TRNT1: variants seen among roughly 807,000 people sequenced by gnomAD.
TRNT1 encodes the protein CCA tRNA nucleotidyltransferase 1, mitochondrial.
A neutral mutation model predicts 45.6 loss-of-function variants in TRNT1; 44 were observed. The ratio of observed to expected loss-of-function variants is 0.97; its 90% confidence interval spans 0.76 to 1.24. TRNT1 has a LOEUF of 1.24. Among genes scored for constraint, TRNT1 ranks in the 50% most tolerant of loss-of-function variants. The pLI, the probability that TRNT1 is intolerant of heterozygous loss-of-function variation, is 0.00. For synonymous variants in TRNT1, 201 were observed against 171.4 expected (o/e 1.17, Z -1.35); for missense variants, 633 against 504.4 (o/e 1.25, Z -2.44).
chr3:3,143,456 G>A (rs1370169354), intron 4 of TRNT1, among the ~76,000 whole-genome samples: 1 of 152,176 alleles, frequency 6.6e-6, no homozygotes, highest in Non-Finnish European at 1.5e-5. Context: ...AATTCACAAA[G>A]TTTTAAAGGC....
intron 2 of TRNT1, chr3:3,129,581 CA>C (rs1559213308): frequency 4.4e-6 from 2 of 452,768 alleles, no homozygotes; most frequent in Non-Finnish European, 8.1e-6. Flanking sequence ...GACCCTGTCT[CA>C]AAAAAAGAGA....
chr3:3,144,454 C>A, intron 4 of TRNT1, 130 bp from the exon 5 acceptor site: 1 of 817,076 alleles, frequency 1.2e-6, no homozygotes, highest in Non-Finnish European at 1.9e-6. Context: ...TGTATGAATA[C>A]GTATGTGTTT....
downstream of TRNT1, chr3:3,151,170 T>C (rs1217225686): frequency 9.7e-7 from 1 of 1,034,178 alleles, no homozygotes; most frequent in African/African-American, 1.6e-5. Flanking sequence ...AAGTTGAGAT[T>C]TGATCCATAC....
At chr3:3,150,396 T>C (rs1262482312), downstream of TRNT1, 1 of 153,834 alleles carries the variant, frequency 6.5e-6, no homozygotes, top group Non-Finnish European at 1.4e-5. Flanking sequence ...GCCTTGCTTC[T>C]TTCCAAAAGG....
At chr3:3,150,770 A>G, downstream of TRNT1, 1 of 1,179,786 alleles carries the variant, frequency 8.5e-7, no homozygotes, top group Non-Finnish European at 1.2e-6. Flanking sequence ...TATTAATGTT[A>G]TGTTTACTTA....
chr3:3,128,992 T>C, intron 1 of TRNT1, 22 bp from the exon 2 acceptor site: 1 of 1,519,654 alleles, frequency 6.6e-7, no homozygotes, highest in Non-Finnish European at 8.9e-7. Flanking sequence ...TTCATTGGTA[T>C]GCCTGTGTAT....
chr3:3,138,018 C>G (rs1442759052), intron 3 of TRNT1, among the ~76,000 whole-genome samples: 1 of 152,166 alleles, frequency 6.6e-6, no homozygotes, highest in Non-Finnish European at 1.5e-5. Context: ...CTATAGAGTT[C>G]CTCTCAAAAG....
intron 3 of TRNT1, among the ~76,000 whole-genome samples, chr3:3,138,530 A>G (rs963005115): frequency 2.6e-5 from 4 of 152,108 alleles, no homozygotes; most frequent in African/African-American, 7.2e-5. Flanking sequence ...TGTTTCTTTC[A>G]TAATTTCATC....
chr3:3,128,577 C>G (rs1013845132), intron 1 of TRNT1, among the ~76,000 whole-genome samples: 3 of 121,658 alleles, frequency 2.5e-5, no homozygotes, highest in African/African-American at 9.7e-5. Flanking sequence ...CCCGCCTGAG[C>G]GACAGAGCGA....
intron 6 of TRNT1, 61 bp downstream of exon 6, chr3:3,146,684 A>C: frequency 7.2e-7 from 1 of 1,390,710 alleles, no homozygotes; most frequent in Non-Finnish European, 9.7e-7. Context: ...TTCAAATTTC[A>C]TAAGGAAAAA....
chr3:3,141,164 T>C (rs966574233), intron 4 of TRNT1, among the ~76,000 whole-genome samples: 5 of 152,190 alleles, frequency 3.3e-5, no homozygotes, highest in Non-Finnish European at 5.9e-5. Context: ...TTAATTAATA[T>C]TGGCTTCCTT....
downstream of TRNT1, among the ~76,000 whole-genome samples, chr3:3,151,350 T>C (rs1016382186): frequency 6.6e-6 from 1 of 151,974 alleles, no homozygotes; most frequent in Non-Finnish European, 1.5e-5. Flanking sequence ...ACATTCTAAC[T>C]TGTACTGGCA....
At chr3:3,128,729 C>T (rs1704776919) in intron 1 of TRNT1, among the ~76,000 whole-genome samples, 1 of 151,756 alleles carries the variant, frequency 6.6e-6, no homozygotes, top group South Asian at 2.1e-4. Flanking sequence ...CTGGCTGGCT[C>T]TTTCAGCTTT....
intron 3 of TRNT1, among the ~76,000 whole-genome samples, chr3:3,138,129 C>G (rs1185539907): frequency 1.3e-5 from 2 of 152,136 alleles, no homozygotes; most frequent in African/African-American, 2.4e-5. Flanking sequence ...TTTCCTTGGC[C>G]TCTCTTTTTT....
At chr3:3,137,555 A>C (rs766168250) in intron 3 of TRNT1, 102 bp downstream of exon 3, 2 of 1,034,780 alleles carry the variant, frequency 1.9e-6, no homozygotes, top group Admixed American at 2.9e-5. Context: ...CTAATAAAAA[A>C]GTCAGTCTCT....
Position 3,148,273 on chromosome 3 carries a change from A to T in TRNT1, c.*119A>T. On this transcript the variant is annotated 3_prime_UTR_variant, in exon 8 of 8. Transcript: ENST00000251607. ...AGACAGTTTAGGGGACCTCTGTAGAACAACAAGGGTCTTATTTTGTGAATT... is the reference window on the plus strand; with the variant it reads ...AGACAGTTTAGGGGACCTCTGTAGATCAACAAGGGTCTTATTTTGTGAATT... 1 of 1,030,792 alleles carries T rather than the reference A, an allele frequency of 9.7e-7. No homozygotes were observed. The highest frequency in any genetic ancestry group is 1.4e-6 in the Non-Finnish European group (1 of 708,194). The allele number at this position is 1,030,792 out of a possible 1,614,324, so 63.9% of individuals were successfully genotyped here.
chr3:3,149,878 A>AGTT (rs571008552), downstream of TRNT1: 285 of 152,226 alleles, frequency 1.9e-3, 2 homozygotes, highest in African/African-American at 6.4e-3. Context: ...ATAAAACGAA[A>AGTT]GTTATCATAC....
At chr3:3,153,078 T>C (rs1706696362), downstream of TRNT1, 1 of 309,162 alleles carries the variant, frequency 3.2e-6, no homozygotes, top group Admixed American at 4.8e-5. Flanking sequence ...TTTGGCCCTA[T>C]ATGGCAAAAC....
chr3:3,153,407 C>T (rs373754376), downstream of TRNT1: 76 of 1,360,006 alleles, frequency 5.6e-5, no homozygotes, highest in African/African-American at 4.7e-4. Flanking sequence ...ATATTAAAAA[C>T]GTAATAAAGA....
Sources: allele counts gnomAD v4.1 joint callset (sites outside exome capture counted in the v4.1 genomes callset), GRCh38; gene constraint gnomAD v4.1.1; transcripts MANE v1.5; gene names NCBI Gene and HGNC (gene_info 2026-07-23, HGNC 2026-07-21).